DCX: variants seen among roughly 807,000 people sequenced by gnomAD.
DCX encodes neuronal migration protein doublecortin.
DCX carries 4 observed loss-of-function variants against 20.9 expected under a neutral mutation model. The ratio of observed to expected loss-of-function variants is 0.19; its 90% confidence interval spans 0.09 to 0.44. The LOEUF (loss-of-function observed/expected upper bound fraction) is 0.44, where lower values mean the gene tolerates loss of function less well. DCX is among the 20% of genes least tolerant of loss of function. The pLI, the probability that DCX is intolerant of heterozygous loss-of-function variation, is 0.99. For synonymous variants in DCX, 103 were observed against 111.4 expected (o/e 0.92, Z 0.47); for missense variants, 133 against 296.9 (o/e 0.45, Z 4.06).
chrX:111,362,545 G>A (rs1449203584), intron 3 of DCX, among the ~76,000 whole-genome samples: 1 of 111,443 alleles, frequency 9.0e-6, no homozygotes, highest in Non-Finnish European at 1.9e-5. Flanking sequence ...CATCTGTCTT[G>A]GAGAAGACAG....
chrX:111,406,270 G>A (rs1164062891), intron 2 of DCX, among the ~76,000 whole-genome samples: 1 of 111,908 alleles, frequency 8.9e-6, no homozygotes, highest in Non-Finnish European at 1.9e-5. Context: ...GTGTGGCCCA[G>A]GAATGTAATA....
At chrX:111,382,800 C>T (rs1328870943) in intron 3 of DCX, among the ~76,000 whole-genome samples, 3 of 111,237 alleles carry the variant, frequency 2.7e-5, no homozygotes, top group Non-Finnish European at 5.7e-5. Flanking sequence ...GAAAACTGCT[C>T]AAAAAGAGGT....
At chrX:111,350,912 G>C (rs1923248958) in intron 3 of DCX, among the ~76,000 whole-genome samples, 1 of 112,096 alleles carries the variant, frequency 8.9e-6, no homozygotes, top group African/African-American at 3.2e-5. Context: ...TTACATGGTG[G>C]CAGAGAAGAG....
chrX:111,357,824 T>G (rs1923867782), intron 3 of DCX, among the ~76,000 whole-genome samples: 1 of 111,205 alleles, frequency 9.0e-6, no homozygotes, highest in Non-Finnish European at 1.9e-5. Flanking sequence ...GAAGCTCTTT[T>G]TATTTTTTAT....
At chrX:111,329,413 C>T (rs923434347) in intron 5 of DCX, among the ~76,000 whole-genome samples, 1 of 111,639 alleles carries the variant, frequency 9.0e-6, no homozygotes, top group Non-Finnish European at 1.9e-5. Flanking sequence ...ATGCTCTGCA[C>T]TGATGATATG....
intron 3 of DCX, among the ~76,000 whole-genome samples, chrX:111,348,704 C>T (rs1422395881): frequency 9.1e-6 from 1 of 110,428 alleles, no homozygotes; most frequent in Non-Finnish European, 1.9e-5. Flanking sequence ...GGGCCCCACA[C>T]AACTCTAGGT....
chrX:111,346,821 AATAAT>A (rs1201428143), intron 3 of DCX, among the ~76,000 whole-genome samples: 106 of 112,379 alleles, frequency 9.4e-4, no homozygotes, highest in African/African-American at 3.4e-3. Flanking sequence ...ACATTATGTG[AATAAT>A]ATAACAATAA....
chrX:111,307,996 C>G (rs1332273229), intron 6 of DCX, among the ~76,000 whole-genome samples: 1 of 111,899 alleles, frequency 8.9e-6, no homozygotes, highest in Non-Finnish European at 1.9e-5. Flanking sequence ...ATTCATAGAA[C>G]TAGGCCTAAT....
intron 3 of DCX, among the ~76,000 whole-genome samples, chrX:111,350,920 G>A (rs1474166537): frequency 8.9e-6 from 1 of 112,130 alleles, no homozygotes; most frequent in Non-Finnish European, 1.9e-5. Context: ...TGGCAGAGAA[G>A]AGGGAATGAG....
chrX:111,319,716 G>C (rs1569486991), intron 5 of DCX, among the ~76,000 whole-genome samples: 1 of 112,193 alleles, frequency 8.9e-6, no homozygotes. Flanking sequence ...CAATCTTGGA[G>C]ACCTATATGA....
intron 3 of DCX, among the ~76,000 whole-genome samples, chrX:111,357,698 C>T (rs1363666966): frequency 9.1e-6 from 1 of 110,127 alleles, no homozygotes; most frequent in East Asian, 2.9e-4. Flanking sequence ...GGGAGGATCC[C>T]TTAAGCCCAG....
At chrX:111,360,962 T>C (rs922664168) in intron 3 of DCX, among the ~76,000 whole-genome samples, 3 of 112,102 alleles carry the variant, frequency 2.7e-5, no homozygotes, top group African/African-American at 9.7e-5. Context: ...TAATTCTTTT[T>C]TGTTTTGGAG....
intron 5 of DCX, among the ~76,000 whole-genome samples, chrX:111,326,892 T>C (rs1166173065): frequency 9.0e-6 from 1 of 111,699 alleles, no homozygotes; most frequent in East Asian, 2.8e-4. Flanking sequence ...ACAGACCAAA[T>C]AGCATCAATT....
At chrX:111,324,762 T>A (rs2095095583) in intron 5 of DCX, among the ~76,000 whole-genome samples, 1 of 112,215 alleles carries the variant, frequency 8.9e-6, no homozygotes, top group African/African-American at 3.2e-5. Context: ...ATAAATTTCT[T>A]AGTGGCAGGG....
At chrX:111,339,273 A>T (rs1264262934) in intron 3 of DCX, among the ~76,000 whole-genome samples, 1 of 111,512 alleles carries the variant, frequency 9.0e-6, no homozygotes, top group Non-Finnish European at 1.9e-5. Flanking sequence ...GTTGAAACTT[A>T]CTCCCCAATG....
intron 3 of DCX, among the ~76,000 whole-genome samples, chrX:111,352,839 G>C (rs1923427708): frequency 3.8e-5 from 2 of 51,975 alleles, no homozygotes; most frequent in South Asian, 1.3e-3. Context: ...CAGACAGACA[G>C]AGAGAGAGAG....
chrX:111,339,009 T>C (rs1284535717), intron 3 of DCX, among the ~76,000 whole-genome samples: 2 of 111,397 alleles, frequency 1.8e-5, no homozygotes, highest in African/African-American at 3.3e-5. Context: ...TGGATATAAG[T>C]TGATCGAGTT....
chrX:111,320,173 G>A (rs1656804900), intron 5 of DCX, among the ~76,000 whole-genome samples: 1 of 112,024 alleles, frequency 8.9e-6, no homozygotes, highest in Non-Finnish European at 1.9e-5. Flanking sequence ...ATGTAGACTT[G>A]CACAGTTAAA....
At chrX:111,304,255 C>T (rs896357352) in intron 6 of DCX, among the ~76,000 whole-genome samples, 11 of 111,775 alleles carry the variant, frequency 9.8e-5, no homozygotes, top group Non-Finnish European at 1.7e-4. Context: ...GGCATAAGCC[C>T]CTCTGAAAAT....
Sources: gnomAD v4.1 joint callset for allele counts (sites outside exome capture counted in the v4.1 genomes callset) on GRCh38, gnomAD v4.1.1 for gene constraint, MANE v1.5 for transcripts, NCBI Gene and HGNC (gene_info 2026-07-23, HGNC 2026-07-21) for gene names.